SYK: variants seen among roughly 807,000 people sequenced by gnomAD.
The protein encoded by SYK is tyrosine-protein kinase SYK.
Under a neutral mutation model 77.8 loss-of-function variants are expected in SYK, and 16 were observed. That is an observed-to-expected ratio of 0.21 (90% confidence interval 0.14 to 0.31). SYK has a LOEUF of 0.31. SYK is among the 10% of genes least tolerant of loss of function. SYK has a pLI of 1.00. For missense variants in SYK, 529 were observed against 814.4 expected (o/e 0.65, Z 4.26); for synonymous variants, 312 against 308.7 (o/e 1.01, Z -0.11).
At chr9:90,852,458 T>G (rs966098140) in intron 3 of SYK, among the ~76,000 whole-genome samples, 3 of 152,218 alleles carry the variant, frequency 2.0e-5, no homozygotes, top group African/African-American at 7.2e-5. Context: ...CATTTCATCT[T>G]ATAAATGATC....
At position 90,887,903 on chromosome 9, in the gene SYK, G is replaced by C; in HGVS notation, c.1722+14G>C. On this transcript the variant is annotated intron_variant, in intron 12 of 13. Coordinates refer to ENST00000375754, the MANE Select transcript of SYK (RefSeq NM_003177.7). ...AAGCCATATCGAGTGAGCCAGTCCT[G>C]CTTCATTTTCTCACTGTGGGGCCAT... The C allele has an allele frequency of 6.4e-7, 1 of 1,566,188 alleles. No homozygotes were observed. Among genetic ancestry groups the C allele is most frequent in the South Asian group, 1.2e-5 (1 of 86,076 alleles).
intron 1 of SYK, among the ~76,000 whole-genome samples, chr9:90,840,498 C>G (rs1254992963): frequency 1.4e-5 from 2 of 143,058 alleles, no homozygotes; most frequent in African/African-American, 5.2e-5. Flanking sequence ...GCGGGCAGAT[C>G]ATGAGGTCAG....
At chr9:90,868,246 A>T (rs1827592086) in intron 7 of SYK, among the ~76,000 whole-genome samples, 1 of 152,228 alleles carries the variant, frequency 6.6e-6, no homozygotes, top group South Asian at 2.1e-4. Flanking sequence ...TCTGTTTTTC[A>T]TGTTTACCCA....
chr9:90,820,306 G>A (rs1825465984), intron 1 of SYK, among the ~76,000 whole-genome samples: 1 of 152,236 alleles, frequency 6.6e-6, no homozygotes, highest in South Asian at 2.1e-4. Context: ...GGGACTCTGT[G>A]TGGGAGCTGT....
At chr9:90,853,196 GT>G (rs1826885199) in intron 3 of SYK, among the ~76,000 whole-genome samples, 1 of 149,306 alleles carries the variant, frequency 6.7e-6, no homozygotes. Context: ...GGACAACATG[GT>G]TCATCGGGCC....
At chr9:90,863,126 C>T (rs1337372364) in intron 4 of SYK, among the ~76,000 whole-genome samples, 1 of 152,202 alleles carries the variant, frequency 6.6e-6, no homozygotes, top group African/African-American at 2.4e-5. Flanking sequence ...GCACAGATTG[C>T]TTGTCTTAAT....
chr9:90,805,296 T>C (rs1824778405), intron 1 of SYK, among the ~76,000 whole-genome samples: 1 of 152,232 alleles, frequency 6.6e-6, no homozygotes, highest in Non-Finnish European at 1.5e-5. Flanking sequence ...ACTGGGATCC[T>C]GGCTCTGAGC....
chr9:90,835,662 A>G (rs1465875421), intron 1 of SYK, among the ~76,000 whole-genome samples: 2 of 152,202 alleles, frequency 1.3e-5, no homozygotes, highest in African/African-American at 2.4e-5. Context: ...GCATCGGCAC[A>G]CATTGGAGTG....
At chr9:90,842,527 T>C (rs1270392665) in intron 1 of SYK, among the ~76,000 whole-genome samples, 1 of 151,140 alleles carries the variant, frequency 6.6e-6, no homozygotes, top group African/African-American at 2.4e-5. Context: ...GTGATGTGTG[T>C]TGTGTGCATG....
intron 13 of SYK, among the ~76,000 whole-genome samples, chr9:90,893,037 G>A (rs71494437): frequency 1.3e-5 from 2 of 152,200 alleles, no homozygotes; most frequent in African/African-American, 2.4e-5. Flanking sequence ...GGCCACTGCC[G>A]GAGCTCCTGC....
intron 3 of SYK, among the ~76,000 whole-genome samples, chr9:90,852,562 G>C (rs749747606): frequency 3.3e-5 from 5 of 152,180 alleles, no homozygotes; most frequent in Non-Finnish European, 7.3e-5. Flanking sequence ...TTTTGGCTAA[G>C]AGTCCTTGTA....
intron 3 of SYK, among the ~76,000 whole-genome samples, chr9:90,855,687 T>G (rs897049095): frequency 5.3e-5 from 8 of 150,518 alleles, no homozygotes; most frequent in East Asian, 1.9e-4. Context: ...TGTGTGTGTG[T>G]GGGTGTGTGT....
intron 9 of SYK, among the ~76,000 whole-genome samples, chr9:90,876,287 CAAAA>C (rs71923873): frequency 0.2 from 23,985 of 119,626 alleles, 2,285 homozygotes; most frequent in Admixed American, 0.32. Context: ...AACTCTGCCT[CAAAA>C]AAAAAAAAAA....
chr9:90,881,417 C>T (rs142192916), intron 11 of SYK, among the ~76,000 whole-genome samples: 3 of 152,208 alleles, frequency 2.0e-5, no homozygotes, highest in Non-Finnish European at 2.9e-5. Context: ...TGGTGGCTCA[C>T]GCCTGTAATC....
chr9:90,842,100 G>A (rs532692548), intron 1 of SYK, among the ~76,000 whole-genome samples: 1 of 141,768 alleles, frequency 7.1e-6, no homozygotes, highest in Admixed American at 7.0e-5. Flanking sequence ...TGTGTAGTGT[G>A]TGTAGTGTGT....
rs927517448 is a variant in SYK at position 90,811,157 on chromosome 9, G to A, written c.-42+9264G>A. Among the ~76,000 whole-genome samples, 5 of 152,024 alleles carry A rather than the reference G, an allele frequency of 3.3e-5. No homozygotes were observed. In the East Asian group the frequency reaches 5.8e-4, roughly 18 times the overall value. On this transcript the variant is annotated intron_variant, in intron 1 of 13. Transcript: ENST00000375754. The stretch of plus-strand genomic sequence containing the variant: ...TTCACACTCATCACAAGATTGATAA[G>A]CATGATTTCCTAAAATTTTAAGCAA...
At chr9:90,820,552 C>T (rs1290340011) in intron 1 of SYK, among the ~76,000 whole-genome samples, 9 of 152,204 alleles carry the variant, frequency 5.9e-5, no homozygotes. Context: ...CTACGGTGGC[C>T]CCTTTCAGCC....
intron 13 of SYK, among the ~76,000 whole-genome samples, chr9:90,893,673 A>G (rs1384113737): frequency 6.6e-6 from 1 of 152,246 alleles, no homozygotes; most frequent in African/African-American, 2.4e-5. Flanking sequence ...ATCTCTTTAT[A>G]TAAAATCACA....
intron 3 of SYK, among the ~76,000 whole-genome samples, chr9:90,849,143 A>AAGGGCC (rs1222666286): frequency 6.6e-6 from 1 of 152,190 alleles, no homozygotes; most frequent in Non-Finnish European, 1.5e-5. Flanking sequence ...TTAGGAAGCA[A>AAGGGCC]AGGGCCAGGG....
Sources: allele counts gnomAD v4.1 joint callset (sites outside exome capture counted in the v4.1 genomes callset), GRCh38; gene constraint gnomAD v4.1.1; transcripts MANE v1.5; gene names NCBI Gene and HGNC (gene_info 2026-07-23, HGNC 2026-07-21).